CR1L: variants seen among roughly 807,000 people sequenced by gnomAD.
CR1L encodes the protein complement C3b/C4b receptor 1 like.
In CR1L, 59 loss-of-function variants were observed where a neutral mutation model predicts 62.3. The ratio of observed to expected loss-of-function variants is 0.95; its 90% CI spans 0.77 to 1.18. The LOEUF (loss-of-function observed/expected upper bound fraction) is 1.18. CR1L is among the 50% of genes most tolerant of loss of function. The probability of loss-of-function intolerance (pLI) is 0.00; values close to 1 mark genes in which losing one functional copy is unlikely to be tolerated. For synonymous variants in CR1L, 279 were observed against 248.7 expected (o/e 1.12, Z -1.15); for missense variants, 700 against 702.8 (o/e 1.00, Z 0.04).
intron 1 of CR1L, among the ~76,000 whole-genome samples, chr1:207,675,942 A>G (rs1279977462): frequency 2.0e-5 from 3 of 152,176 alleles, no homozygotes; most frequent in Non-Finnish European, 2.9e-5. Context: ...TGTGCTCAAG[A>G]TTGACGTGGC....
At chr1:207,686,183 C>T (rs1197405927) in intron 4 of CR1L, among the ~76,000 whole-genome samples, 1 of 128,016 alleles carries the variant, frequency 7.8e-6, no homozygotes, top group Admixed American at 8.7e-5. Context: ...TTCCTTCCCT[C>T]CTTCCCTCCT....
intron 11 of CR1L, among the ~76,000 whole-genome samples, chr1:207,719,215 A>G (rs1382270398): frequency 6.8e-6 from 1 of 147,870 alleles, no homozygotes; most frequent in Admixed American, 6.8e-5. Context: ...ATATGTAACT[A>G]ACCTGCACAA....
At chr1:207,683,324 A>G (rs1271476328) in intron 3 of CR1L, among the ~76,000 whole-genome samples, 2 of 151,956 alleles carry the variant, frequency 1.3e-5, no homozygotes, top group African/African-American at 4.8e-5. Context: ...TTTTGTTGAG[A>G]CAGGGTCTCA....
At chr1:207,711,280 C>T (rs1200494684) in intron 10 of CR1L, 1 of 178,954 alleles carries the variant, frequency 5.6e-6, no homozygotes, top group Non-Finnish European at 1.2e-5. Context: ...TACAATTCTT[C>T]TACCAACCCA....
chr1:207,678,918 C>T (rs1663749515), intron 3 of CR1L, among the ~76,000 whole-genome samples: 1 of 152,064 alleles, frequency 6.6e-6, no homozygotes, highest in Non-Finnish European at 1.5e-5. Context: ...CTCTGTCTGT[C>T]CTCACATGGC....
At chr1:207,706,289 C>T (rs568551082) in intron 9 of CR1L, among the ~76,000 whole-genome samples, 96 of 151,698 alleles carry the variant, frequency 6.3e-4, no homozygotes, top group African/African-American at 2.2e-3. Flanking sequence ...GGCGTGGTGG[C>T]GTGTGCCTGT....
intron 3 of CR1L, among the ~76,000 whole-genome samples, chr1:207,680,738 T>G (rs1451279885): frequency 6.6e-6 from 1 of 152,206 alleles, no homozygotes; most frequent in Non-Finnish European, 1.5e-5. Flanking sequence ...AACTTCTGCC[T>G]TTTTATCCTG....
chr1:207,673,718 G>A (rs1353675454), intron 1 of CR1L, among the ~76,000 whole-genome samples: 1 of 152,184 alleles, frequency 6.6e-6, no homozygotes, highest in African/African-American at 2.4e-5. Context: ...CTGCTATTCG[G>A]CAGGTAAAAT....
At chr1:207,721,156 C>T (rs1432610965) in intron 11 of CR1L, among the ~76,000 whole-genome samples, 1 of 152,112 alleles carries the variant, frequency 6.6e-6, no homozygotes, top group East Asian at 1.9e-4. Flanking sequence ...ACTGTTTAAC[C>T]TCACTAGAAC....
chr1:207,693,649 A>T (rs1432270413), intron 4 of CR1L, among the ~76,000 whole-genome samples: 1 of 152,174 alleles, frequency 6.6e-6, no homozygotes, highest in Non-Finnish European at 1.5e-5. Context: ...TATCAAACTT[A>T]GATTTGAGTA....
intron 1 of CR1L, among the ~76,000 whole-genome samples, chr1:207,673,723 T>TA: frequency 6.6e-6 from 1 of 152,250 alleles, no homozygotes; most frequent in East Asian, 1.9e-4. Flanking sequence ...ATTCGGCAGG[T>TA]AAAATTACAA....
At position 207,645,283 on chromosome 1, in the gene CR1L, C is replaced by A. The variant is rs199869867; in HGVS notation, c.50C>A (p.Pro17His). ...CGTCCCTTTCCTTCCCGGCGCTTTCCTGGGTTGCTTCTGGCGGCCCTGGTG... is the reference window on the plus strand; with the variant it reads ...CGTCCCTTTCCTTCCCGGCGCTTTCATGGGTTGCTTCTGGCGGCCCTGGTG... ...LERPFPSRRF[P>H]GLLLAALVLL... The change falls in exon 1 of 12, where the codon CCT (proline) becomes CAT (histidine). Residue 17 changes from proline to histidine, a missense_variant. Pro to His is a moderately conservative substitution (Grantham distance 77). Transcript: ENST00000508064. The A allele has an allele frequency of 1.2e-6, 2 of 1,613,974 alleles. No individual in the cohort carries two copies. Among genetic ancestry groups the A allele is most frequent in the Middle Eastern group, 3.4e-4 (2 of 5,870 alleles).
rs542101361 is a variant in CR1L, at chr1:207,678,957, A to G, written c.377+660A>G. Among the ~76,000 whole-genome samples, 12 of 147,206 alleles carry G rather than the reference A, an allele frequency of 8.2e-5. No individual in the cohort carries two copies. The East Asian group carries it at 1.2e-3, about 15-fold the overall frequency. ...CTTCCCTCTGGGTCTCTGTCCTCCT[A>G]TGCTGTTCTCTTATCTGTGCATGTC... On this transcript the variant is annotated intron_variant, in intron 3 of 11. Transcript: ENST00000508064.
intron 9 of CR1L, 109 bp downstream of exon 9, chr1:207,701,727 T>A (rs1212947689): frequency 7.2e-7 from 1 of 1,389,076 alleles, no homozygotes; most frequent in African/African-American, 1.4e-5. Flanking sequence ...TCTTGAGAGG[T>A]TTGAACACAG....
intron 10 of CR1L, among the ~76,000 whole-genome samples, chr1:207,714,839 C>G (rs1321930321): frequency 6.6e-6 from 1 of 152,088 alleles, no homozygotes; most frequent in Admixed American, 6.5e-5. Flanking sequence ...TCTTTCTGGC[C>G]TGTTACATTT....
chr1:207,691,129 A>G (rs1157028978), intron 4 of CR1L, among the ~76,000 whole-genome samples: 2 of 152,218 alleles, frequency 1.3e-5, no homozygotes, highest in Non-Finnish European at 2.9e-5. Flanking sequence ...TCTTTAAGCA[A>G]TCTTTACTTT....
chr1:207,677,660 A>G (rs1470623993), intron 2 of CR1L, 92 bp downstream of exon 2: 7 of 1,436,540 alleles, frequency 4.9e-6, no homozygotes, highest in African/African-American at 2.8e-5. Context: ...AGTTGCATAC[A>G]ACAATTAGTT....
chr1:207,695,381 G>T (rs1364988220), intron 5 of CR1L, among the ~76,000 whole-genome samples: 2 of 152,068 alleles, frequency 1.3e-5, no homozygotes, highest in East Asian at 1.9e-4. Context: ...CCACCCACCT[G>T]GGCCTCCCAA....
intron 3 of CR1L, 76 bp downstream of exon 3, chr1:207,678,373 C>A: frequency 7.7e-7 from 1 of 1,296,174 alleles, no homozygotes; most frequent in Non-Finnish European, 1.1e-6. Context: ...CTAGTCACAT[C>A]TCAGAAAGGA....
Sources: gnomAD v4.1 joint callset for allele counts (sites outside exome capture counted in the v4.1 genomes callset) on GRCh38, gnomAD v4.1.1 for gene constraint, MANE v1.5 for transcripts, NCBI Gene and HGNC (gene_info 2026-07-23, HGNC 2026-07-21) for gene names.